Variants in GYG2 observed in about 807,000 individuals in gnomAD.
The protein encoded by GYG2 is glycogenin-2.
A neutral mutation model predicts 29.4 loss-of-function variants in GYG2; 29 were observed. The observed-to-expected ratio is 0.99, with a 90% confidence interval of 0.74 to 1.35. The LOEUF (loss-of-function observed/expected upper bound fraction) is 1.35, where lower values mean the gene tolerates loss of function less well. Ranked by LOEUF, GYG2 falls within the 40% of genes most tolerant of loss-of-function variation. The pLI, the probability that GYG2 is intolerant of heterozygous loss-of-function variation, is 0.00. For synonymous variants in GYG2, 167 were observed against 172.3 expected (o/e 0.97, Z 0.24); for missense variants, 370 against 385.7 (o/e 0.96, Z 0.34).
At chrX:2,869,922 G>A (rs901123364) in intron 8 of GYG2, among the ~76,000 whole-genome samples, 1 of 112,375 alleles carries the variant, frequency 8.9e-6, no homozygotes, top group Non-Finnish European at 1.9e-5. Flanking sequence ...AATTACAGGC[G>A]TGGGCCACCG....
At chrX:2,878,066 C>G in intron 10 of GYG2, 2 of 745,861 alleles carry the variant, frequency 2.7e-6, no homozygotes, top group Non-Finnish European at 3.2e-6. Context: ...ATTTCTAGAG[C>G]TGTTGGTTGA....
chrX:2,859,784 T>C, intron 6 of GYG2, 59 bp from the exon 7 acceptor site: 1 of 779,609 alleles, frequency 1.3e-6, no homozygotes, highest in Admixed American at 2.6e-5. Context: ...GTGGATGCTT[T>C]CTGGGTGTCT....
intron 8 of GYG2, among the ~76,000 whole-genome samples, chrX:2,868,830 A>G (rs1486171281): frequency 9.0e-6 from 1 of 111,491 alleles, no homozygotes; most frequent in Admixed American, 9.6e-5. Context: ...CAGAATTTAA[A>G]GTAAAAGCAA....
intron 6 of GYG2, 45 bp from the exon 7 acceptor site, chrX:2,859,798 A>G (rs751743091): frequency 1.1e-6 from 1 of 908,922 alleles, no homozygotes; most frequent in Non-Finnish European, 1.6e-6. Flanking sequence ...GGTGTCTTTT[A>G]TCACATCTGA....
intron 10 of GYG2, among the ~76,000 whole-genome samples, chrX:2,879,258 C>T (rs1214800653): frequency 1.9e-5 from 2 of 107,172 alleles, no homozygotes; most frequent in African/African-American, 6.8e-5. Context: ...CTATCTACCT[C>T]TTATCTATTT....
chrX:2,840,574 G>A (rs1326949924), intron 2 of GYG2, among the ~76,000 whole-genome samples: 1 of 111,866 alleles, frequency 8.9e-6, no homozygotes, highest in Non-Finnish European at 1.9e-5. Context: ...ATAGATAATG[G>A]TAGAGATAAT....
Position 2,882,190 on chromosome X carries a change from ATATG to A in GYG2, c.*978_*981del, listed in dbSNP as rs1375927587. ...GAAGTATCTTCATTCAATGGGCACAATATGCTGTGTATCTCACCAGGTAGCTGTC... is the reference window on the plus strand; with the variant it reads ...GAAGTATCTTCATTCAATGGGCACAACTGTGTATCTCACCAGGTAGCTGTC... On this transcript the variant is annotated 3_prime_UTR_variant, in exon 11 of 11. Transcript: ENST00000398806. The A allele has an allele frequency of 4.5e-5, 5 of 110,901 alleles. No individual in the cohort carries two copies. The East Asian group carries it at 1.4e-3, about 31-fold the overall frequency. 9.1% of individuals were successfully genotyped at this position (110,901 alleles called of 1,213,427 possible).
chrX:2,867,914 G>A (rs1428517186), intron 8 of GYG2, among the ~76,000 whole-genome samples: 2 of 110,831 alleles, frequency 1.8e-5, no homozygotes, highest in Non-Finnish European at 3.8e-5. Flanking sequence ...TGGCCAACAC[G>A]GTGAAACCCT....
chrX:2,856,816 C>T (rs1166215310), intron 6 of GYG2, among the ~76,000 whole-genome samples, 192 bp downstream of exon 6: 1 of 67,899 alleles, frequency 1.5e-5, no homozygotes, highest in Non-Finnish European at 3.0e-5. Flanking sequence ...CTATCTATCA[C>T]CTCTATCTAG....
At chrX:2,864,454 G>A (rs1433349688) in intron 8 of GYG2, among the ~76,000 whole-genome samples, 1 of 109,140 alleles carries the variant, frequency 9.2e-6, no homozygotes, top group Non-Finnish European at 1.9e-5. Flanking sequence ...TTATCTCAGT[G>A]AGCAGAGGGG....
chrX:2,846,293 C>G (rs2087736300), intron 3 of GYG2, among the ~76,000 whole-genome samples: 1 of 105,760 alleles, frequency 9.5e-6, no homozygotes, highest in African/African-American at 3.4e-5. Context: ...TCTCGAACGC[C>G]TGACCTCAAG....
At chrX:2,835,110 G>A (rs60454411) in intron 2 of GYG2, among the ~76,000 whole-genome samples, 1 of 111,483 alleles carries the variant, frequency 9.0e-6, no homozygotes, top group East Asian at 2.8e-4. Flanking sequence ...GGGGGGTGGT[G>A]CCAGGTCATA....
At chrX:2,839,094 C>T (rs967622897) in intron 2 of GYG2, among the ~76,000 whole-genome samples, 3 of 112,075 alleles carry the variant, frequency 2.7e-5, no homozygotes, top group Non-Finnish European at 3.8e-5. Flanking sequence ...ACCCACTTGC[C>T]GACTCGTCTG....
chrX:2,854,210 T>C, intron 4 of GYG2, 56 bp downstream of exon 4: 1 of 907,563 alleles, frequency 1.1e-6, no homozygotes, highest in East Asian at 3.4e-5. Flanking sequence ...TCTCTATCCT[T>C]AAGCAGGCTG....
intron 6 of GYG2, among the ~76,000 whole-genome samples, chrX:2,858,675 T>G (rs1045653383): frequency 6.3e-5 from 7 of 111,773 alleles, no homozygotes; most frequent in African/African-American, 2.0e-4. Context: ...GAAGAGAAAT[T>G]GATTCTTGGG....
chrX:2,842,351 C>T (rs1402134417), intron 2 of GYG2, among the ~76,000 whole-genome samples: 5 of 103,867 alleles, frequency 4.8e-5, no homozygotes, highest in African/African-American at 1.4e-4. Flanking sequence ...TGCACCACCT[C>T]GCCTGGCTAA....
chrX:2,874,572 T>C (rs1056405528), intron 8 of GYG2, among the ~76,000 whole-genome samples: 6 of 112,591 alleles, frequency 5.3e-5, no homozygotes, highest in Non-Finnish European at 9.4e-5. Context: ...ATTTGTTATT[T>C]GTTGATTTTC....
intron 6 of GYG2, 138 bp downstream of exon 6, chrX:2,856,762 A>ATC (rs2088004573): frequency 2.7e-6 from 1 of 373,631 alleles, no homozygotes. Flanking sequence ...GTATCTATCT[A>ATC]TCTATCTATC....
At chrX:2,871,965 C>T (rs2088482461) in intron 8 of GYG2, among the ~76,000 whole-genome samples, 1 of 111,919 alleles carries the variant, frequency 8.9e-6, no homozygotes, top group Non-Finnish European at 1.9e-5. Flanking sequence ...TAAATGTTAT[C>T]TCCTTGGATT....
Sources: allele counts gnomAD v4.1 joint callset (sites outside exome capture counted in the v4.1 genomes callset), GRCh38; gene constraint gnomAD v4.1.1; transcripts MANE v1.5; gene names NCBI Gene and HGNC (gene_info 2026-07-23, HGNC 2026-07-21).